GPNMB: variants seen among roughly 807,000 people sequenced by gnomAD.
GPNMB encodes transmembrane glycoprotein NMB.
Under a neutral mutation model 57.3 loss-of-function variants are expected in GPNMB, and 71 were observed. The observed-to-expected ratio is 1.24, with a 90% confidence interval of 1.02 to 1.51. GPNMB has a LOEUF of 1.51. Ranked by LOEUF, GPNMB falls within the 40% of genes most tolerant of loss-of-function variation. GPNMB has a pLI of 0.00. For missense variants in GPNMB, 677 were observed against 691.9 expected (o/e 0.98, Z 0.24); for synonymous variants, 253 against 263.2 (o/e 0.96, Z 0.38).
At chr7:23,260,824 T>C (rs1302398761) in intron 6 of GPNMB, 51 bp downstream of exon 6, 3 of 1,331,694 alleles carry the variant, frequency 2.3e-6, no homozygotes, top group Non-Finnish European at 2.0e-6. Flanking sequence ...GCTAACAAAA[T>C]ATTCACGCAG....
chr7:23,256,365 G>C (rs1782778671), intron 3 of GPNMB, among the ~76,000 whole-genome samples: 2 of 152,102 alleles, frequency 1.3e-5, no homozygotes, highest in African/African-American at 2.4e-5. Context: ...TCTACATCTA[G>C]AGACAGAAAG....
chr7:23,255,260 GCCCGCCTCGGTCT>G (rs1322916637), intron 3 of GPNMB, among the ~76,000 whole-genome samples: 7 of 152,066 alleles, frequency 4.6e-5, no homozygotes, highest in African/African-American at 1.7e-4. Flanking sequence ...CTCGTGGTCC[GCCCGCCTCGGTCT>G]CCCAAAGCGC....
rs560128748 is a variant in GPNMB at position 23,273,595 on chromosome 7, A to C, written c.1504A>C (p.Ile502Leu). 1.2e-6 allele frequency: 2 copies of C among 1,610,930 alleles called. No individual in the cohort carries two copies. The highest frequency in any genetic ancestry group is 2.7e-5 in the African/African-American group (2 of 74,982). The part of the protein sequence containing the change: ...VGCLAIFVTV[I>L]SLLVYKKHKE... The stretch of plus-strand genomic sequence containing the variant: ...CTGCTTGGCCATATTTGTCACTGTG[A>C]TCTCCCTCTTGGTGTACAAGTAAGT... The change falls in exon 10 of 11, where the codon ATC becomes CTC. Residue 502 changes from isoleucine to leucine, a missense_variant. Coordinates refer to ENST00000258733, the MANE Select transcript of GPNMB (RefSeq NM_002510.3).
chr7:23,273,957 T>A (rs908546539), intron 10 of GPNMB, 108 bp from the exon 11 acceptor site: 3 of 821,628 alleles, frequency 3.7e-6, no homozygotes, highest in South Asian at 1.8e-5. Flanking sequence ...CTGTCAATCA[T>A]GTTAAATGGA....
At chr7:23,263,897 G>A (rs1235572965) in intron 6 of GPNMB, among the ~76,000 whole-genome samples, 1 of 152,082 alleles carries the variant, frequency 6.6e-6, no homozygotes, top group African/African-American at 2.4e-5. Flanking sequence ...GCTTTGGTAA[G>A]TGGCTTCTTA....
chr7:23,270,080 C>A lies in GPNMB; in HGVS notation c.1334C>A (p.Thr445Asn). The stretch of plus-strand genomic sequence containing the variant: ...ATGTGTCTGCTGACTGTGAGACGAA[C>A]CTTCAATGGGTCTGGGACGTACTGT... Reference protein sequence around the residue: ...DEMCLLTVRRTFNGSGTYCVN... With the variant: ...DEMCLLTVRRNFNGSGTYCVN... The change falls in exon 9 of 11, where the codon ACC (threonine) becomes AAC (asparagine). Residue 445 changes from threonine (T) to asparagine (N), a missense_variant. Thr to Asn is a moderately conservative substitution (Grantham distance 65). Transcript: ENST00000258733. 1.2e-6 allele frequency: 2 copies of A among 1,614,036 alleles called. No individual in the cohort carries two copies. Among genetic ancestry groups the A allele is most frequent in the South Asian group, 1.1e-5 (1 of 91,080 alleles).
At chr7:23,248,695 C>G (rs2128480435) in intron 1 of GPNMB, among the ~76,000 whole-genome samples, 1 of 152,088 alleles carries the variant, frequency 6.6e-6, no homozygotes, top group Admixed American at 6.5e-5. Context: ...GGTGCGACCT[C>G]AAATTTACCT....
At chr7:23,271,694 G>A (rs1464752861) in intron 9 of GPNMB, among the ~76,000 whole-genome samples, 1 of 152,054 alleles carries the variant, frequency 6.6e-6, no homozygotes, top group Non-Finnish European at 1.5e-5. Flanking sequence ...TACTCGGGAG[G>A]CTGAGGTAGG....
intron 1 of GPNMB, among the ~76,000 whole-genome samples, chr7:23,248,233 A>G (rs2128480334): frequency 6.6e-6 from 1 of 152,236 alleles, no homozygotes; most frequent in Middle Eastern, 3.4e-3. Context: ...GTTCCTACGG[A>G]GGCAGACCTG....
intron 4 of GPNMB, 95 bp from the exon 5 acceptor site, chr7:23,259,885 C>A: frequency 8.7e-7 from 1 of 1,154,358 alleles, no homozygotes; most frequent in Non-Finnish European, 1.3e-6. Flanking sequence ...CTCCTCAGAG[C>A]AATCTATAAA....
intron 3 of GPNMB, among the ~76,000 whole-genome samples, chr7:23,254,629 A>G (rs1249475548): frequency 3.3e-5 from 5 of 152,184 alleles, no homozygotes; most frequent in Non-Finnish European, 7.4e-5. Flanking sequence ...TTTTGCTTTT[A>G]TTACTTGGAA....
rs144208310 is a variant in GPNMB, at chr7:23,273,580, A to G, written c.1489A>G (p.Ile497Val). 470 of 1,613,582 alleles carry G rather than the reference A, an allele frequency of 2.9e-4. 1 individual carries two copies. The highest frequency in any genetic ancestry group is 3.8e-4 in the Non-Finnish European group (447 of 1,179,556). ...CCTGATCTCCGTTGGCTGCTTGGCC[A>G]TATTTGTCACTGTGATCTCCCTCTT... ...SALISVGCLA[I>V]FVTVISLLVY... The change falls in exon 10 of 11, where the codon ATA (isoleucine) becomes GTA (valine). Residue 497 changes from isoleucine to valine, a missense_variant. Physicochemically the swap from Ile to Val is conservative, Grantham distance 29 (BLOSUM62 3). Transcript: ENST00000258733.
intron 3 of GPNMB, 44 bp downstream of exon 3, chr7:23,254,356 T>G (rs765966422): frequency 1.3e-6 from 2 of 1,523,382 alleles, no homozygotes; most frequent in Non-Finnish European, 1.8e-6. Flanking sequence ...ACCCAGTTTC[T>G]AAACCTTAAT....
rs1228000453 is a variant in GPNMB at position 23,260,670 on chromosome 7, C to G, written c.915C>G (p.Leu305=). Residue 305 remains leucine, a synonymous_variant, in exon 6 of 11, where the codon CTC becomes CTG. Transcript: ENST00000258733. The stretch of plus-strand genomic sequence containing the variant: ...ATACTGTGAATCACACGTATGTGCT[C>G]AATGGAACCTTCAGCCTTAACCTCA... ...TNHTVNHTYV[L]NGTFSLNLTV... is the part of the protein sequence containing the mutation. The G allele has an allele frequency of 3.1e-6, 5 of 1,613,662 alleles. No individual in the cohort carries two copies. Among genetic ancestry groups the G allele is most frequent in the African/African-American group, 1.3e-5 (1 of 74,906 alleles).
intron 1 of GPNMB, chr7:23,250,613 G>A (rs1012105692): frequency 2.0e-5 from 3 of 151,754 alleles, no homozygotes; most frequent in Admixed American, 2.0e-4. Flanking sequence ...GTCTATTTCT[G>A]GATTCTCTCT....
Position 23,266,234 on chromosome 7 carries a change from C to T in GPNMB, c.1019-283C>T, listed in dbSNP as rs951611292. On this transcript the variant is annotated intron_variant, in intron 6 of 10. Transcript: ENST00000258733. ...AAAGTGCTGGGATTACAGGCATGAG[C>T]CACTGCACCCGGCCAGTTTCAACGT... The T allele has an allele frequency of 4.2e-5, 16 of 378,226 alleles. No individual in the cohort carries two copies. The East Asian group carries it at 6.2e-4, about 15-fold the overall frequency. 23.4% of individuals were successfully genotyped at this position (378,226 alleles called of 1,614,324 possible). A position where few individuals can be genotyped will look rare whatever the true frequency, so the allele number is the denominator to read the frequency against.
chr7:23,251,985 C>T (rs985681342), intron 1 of GPNMB, among the ~76,000 whole-genome samples: 2 of 152,154 alleles, frequency 1.3e-5, no homozygotes, highest in Non-Finnish European at 2.9e-5. Flanking sequence ...ACCATGTGAC[C>T]ACCAGACTGG....
At chr7:23,257,663 C>T (rs556363134) in intron 4 of GPNMB, 1 of 152,684 alleles carries the variant, frequency 6.5e-6, no homozygotes, top group Non-Finnish European at 1.5e-5. Context: ...CAGAGTGAGA[C>T]TCCATCTCGA....
Position 23,254,251 on chromosome 7 carries a change from C to A in GPNMB, c.306C>A (p.Phe102Leu), listed in dbSNP as rs979606166. ...SNITFAVNLI[F>L]PRCQKEDANG... Reference sequence around the variant, plus strand: ...TAACATTTGCGGTGAACCTGATATTCCCTAGATGCCAAAAGGAAGATGCCA... The same window carrying A: ...TAACATTTGCGGTGAACCTGATATTACCTAGATGCCAAAAGGAAGATGCCA... Residue 102 changes from phenylalanine (F) to leucine (L), a missense_variant, in exon 3 of 11, where the codon TTC becomes TTA. By Grantham distance (22) the Phe-to-Leu change is conservative. Coordinates refer to ENST00000258733, the MANE Select transcript of GPNMB (RefSeq NM_002510.3). The A allele has an allele frequency of 6.2e-7, 1 of 1,613,342 alleles. No homozygotes were observed. The highest frequency in any genetic ancestry group is 1.3e-5 in the African/African-American group (1 of 75,016).
Sources: gnomAD v4.1 joint callset for allele counts (sites outside exome capture counted in the v4.1 genomes callset) on GRCh38, gnomAD v4.1.1 for gene constraint, MANE v1.5 for transcripts, NCBI Gene and HGNC (gene_info 2026-07-23, HGNC 2026-07-21) for gene names.